The following LEPR variants were observed in gnomAD, a reference collection of about 807,000 sequenced individuals.
The protein encoded by LEPR is OB receptor.
A neutral mutation model predicts 114.7 loss-of-function variants in LEPR; 56 were observed. That is an observed-to-expected ratio of 0.49 (90% CI 0.39 to 0.61). The LOEUF (loss-of-function observed/expected upper bound fraction) is 0.61. LEPR is among the 20% of genes least tolerant of loss of function. The pLI is 0.00. For missense variants in LEPR, 1,202 were observed against 1,352.9 expected (o/e 0.89, Z 1.75); for synonymous variants, 443 against 461.4 (o/e 0.96, Z 0.51).
chr1:65,459,124 T>C (rs1646913451), intron 2 of LEPR, among the ~76,000 whole-genome samples: 1 of 152,068 alleles, frequency 6.6e-6, no homozygotes, highest in South Asian at 2.1e-4. Context: ...TGTAGAAAGA[T>C]TTTTTTTGTT....
chr1:65,525,553 G>C (rs1267805562), intron 2 of LEPR: 4 of 876,598 alleles, frequency 4.6e-6, no homozygotes, highest in Non-Finnish European at 5.5e-6. Flanking sequence ...GCTCAGGGGC[G>C]GCTGCGGAGG....
chr1:65,558,537 T>TTTTTTTTTGAATCAGAA (rs1557662107), intron 2 of LEPR, among the ~76,000 whole-genome samples: 1 of 24,860 alleles, frequency 4.0e-5, no homozygotes, highest in African/African-American at 1.5e-4. Flanking sequence ...TTTTTTTTTT[T>TTTTTTTTTGAATCAGAA]GTTTTTTTTT....
chr1:65,592,972 A>G, intron 6 of LEPR, 107 bp downstream of exon 6: 1 of 1,261,560 alleles, frequency 7.9e-7, no homozygotes, highest in South Asian at 1.3e-5. Flanking sequence ...TTTGCTTAAC[A>G]CTGTAATGAT....
chr1:65,552,419 T>C (rs938056174), intron 2 of LEPR, among the ~76,000 whole-genome samples: 5 of 152,204 alleles, frequency 3.3e-5, no homozygotes, highest in African/African-American at 1.2e-4. Context: ...TTAGGATAGT[T>C]AGCTCTTCTT....
intron 2 of LEPR, chr1:65,433,134 G>T: frequency 3.0e-6 from 3 of 985,386 alleles, no homozygotes; most frequent in South Asian, 4.7e-5. Flanking sequence ...TTTCCTTTAT[G>T]ATCTGGCACT....
At chr1:65,578,874 T>C (rs1654784792) in intron 5 of LEPR, among the ~76,000 whole-genome samples, 1 of 152,172 alleles carries the variant, frequency 6.6e-6, no homozygotes, top group Non-Finnish European at 1.5e-5. Context: ...TACCAGGCTG[T>C]AGTTAATATT....
At chr1:65,459,365 T>A (rs1646916732) in intron 2 of LEPR, among the ~76,000 whole-genome samples, 1 of 152,074 alleles carries the variant, frequency 6.6e-6, no homozygotes, top group Admixed American at 6.6e-5. Context: ...GTGAGGACAA[T>A]CCTGAAACTC....
At chr1:65,550,584 A>G (rs544085629) in intron 2 of LEPR, among the ~76,000 whole-genome samples, 1 of 152,268 alleles carries the variant, frequency 6.6e-6, no homozygotes, top group East Asian at 1.9e-4. Context: ...TGTGCTAGCA[A>G]TCAGCGAGAC....
At chr1:65,618,182 G>T in intron 16 of LEPR, 36 bp downstream of exon 16, 1 of 1,562,936 alleles carries the variant, frequency 6.4e-7, no homozygotes, top group East Asian at 2.3e-5. Flanking sequence ...TGCTCTCATG[G>T]ATTAATATGA....
At position 65,601,965 on chromosome 1, in the gene LEPR, G is replaced by A. The variant is rs773223936; in HGVS notation, c.1403+5G>A. 4 of 1,610,612 alleles carry A rather than the reference G, an allele frequency of 2.5e-6. No individual in the cohort carries two copies. The highest frequency in any genetic ancestry group is 2.2e-5 in the South Asian group (2 of 91,006). On this transcript the variant is annotated splice_donor_5th_base_variant and intron_variant, in intron 10 of 19. Transcript: ENST00000349533. ...TTTGCAATTGAGGTATCATAGGTAC[G>A]TATTATTTTTGCTGTTTTGTTTTTC... is the stretch of plus-strand genomic sequence containing the variant.
intron 2 of LEPR, among the ~76,000 whole-genome samples, chr1:65,467,008 C>A (rs1216226724): frequency 6.6e-6 from 1 of 152,068 alleles, no homozygotes; most frequent in African/African-American, 2.4e-5. Flanking sequence ...TTTGTTATTA[C>A]CGACCTTCTG....
chr1:65,522,410 G>A (rs1011527), intron 2 of LEPR, among the ~76,000 whole-genome samples: 13,744 of 152,088 alleles, frequency 0.09, 834 homozygotes, highest in South Asian at 0.27. Context: ...CTGGCCACAC[G>A]ACTGGTGCGG....
intron 2 of LEPR, among the ~76,000 whole-genome samples, chr1:65,488,076 CCTCT>C: frequency 7.7e-6 from 1 of 130,012 alleles, no homozygotes; most frequent in African/African-American, 3.0e-5. Flanking sequence ...TCTCTCCCTC[CCTCT>C]CTCTTCCTTT....
At chr1:65,556,806 A>G (rs1271623590) in intron 2 of LEPR, among the ~76,000 whole-genome samples, 1 of 152,116 alleles carries the variant, frequency 6.6e-6, no homozygotes, top group Non-Finnish European at 1.5e-5. Context: ...GGGATCTGGG[A>G]CCTTGTAGTC....
chr1:65,423,625 A>T (rs1171259677), intron 1 of LEPR, among the ~76,000 whole-genome samples: 1 of 152,222 alleles, frequency 6.6e-6, no homozygotes, highest in Non-Finnish European at 1.5e-5. Context: ...AAATGTAAAA[A>T]GATATGTTAA....
chr1:65,557,985 G>C (rs554316600), intron 2 of LEPR, among the ~76,000 whole-genome samples: 1 of 152,166 alleles, frequency 6.6e-6, no homozygotes, highest in Non-Finnish European at 1.5e-5. Flanking sequence ...AAGGAAAACT[G>C]CTGATCTATT....
Position 65,592,756 on chromosome 1 carries a change from G to A in LEPR, c.594G>A (p.Val198=), listed in dbSNP as rs140347630. Residue 198 remains valine, a synonymous_variant, in exon 6 of 20, where the codon GTG becomes GTA. Coordinates refer to ENST00000349533, the MANE Select transcript of LEPR (RefSeq NM_002303.6). ...CSVHECCECL[V]PVPTAKLNDT... is the part of the protein sequence containing the mutation. The stretch of plus-strand genomic sequence containing the variant: ...TTCATGAATGTTGTGAATGTCTTGT[G>A]CCTGTGCCAACAGCCAAACTCAACG... 2,269 of 1,613,278 alleles carry A rather than the reference G, an allele frequency of 1.4e-3. 2 individuals are homozygous for A. The highest frequency in any genetic ancestry group is 1.8e-3 in the Non-Finnish European group (2,151 of 1,179,476).
intron 14 of LEPR, among the ~76,000 whole-genome samples, chr1:65,612,278 T>C (rs1657227508): frequency 6.6e-6 from 1 of 152,246 alleles, no homozygotes; most frequent in African/African-American, 2.4e-5. Context: ...AGAATTCCTA[T>C]GTATTCCCAC....
intron 18 of LEPR, among the ~76,000 whole-genome samples, chr1:65,622,079 T>C (rs1657920353): frequency 6.6e-6 from 1 of 152,176 alleles, no homozygotes; most frequent in Non-Finnish European, 1.5e-5. Context: ...TATGAGGTGC[T>C]TGTCCATGAT....
Sources: gnomAD v4.1 joint callset for allele counts (sites outside exome capture counted in the v4.1 genomes callset) on GRCh38, gnomAD v4.1.1 for gene constraint, MANE v1.5 for transcripts, NCBI Gene and HGNC (gene_info 2026-07-23, HGNC 2026-07-21) for gene names.